CENPU: variants seen among roughly 807,000 people sequenced by gnomAD.
CENPU encodes centromere protein U, also known as KSHV latent nuclear antigen interacting protein 1.
CENPU carries 46 observed loss-of-function variants against 56.7 expected under a neutral mutation model. The observed-to-expected ratio is 0.81, with a 90% confidence interval of 0.64 to 1.04. The LOEUF (loss-of-function observed/expected upper bound fraction) is 1.04, where lower values mean the gene tolerates loss of function less well. Ranked by LOEUF, CENPU falls within the 50% of genes least tolerant of loss-of-function variation. The pLI, the probability that CENPU is intolerant of heterozygous loss-of-function variation, is 0.00. For synonymous variants in CENPU, 166 were observed against 163.0 expected, an observed-to-expected ratio of 1.02 and a Z score of -0.14; for missense variants, 510 against 490.1, an observed-to-expected ratio of 1.04 and a Z score of -0.38.
chr4:184,709,751 C>A (rs1760858882), intron 8 of CENPU, among the ~76,000 whole-genome samples: 1 of 150,466 alleles, frequency 6.6e-6, no homozygotes. Context: ...ATTAGAAATT[C>A]CACACAGATC....
intron 12 of CENPU, among the ~76,000 whole-genome samples, chr4:184,697,015 G>C (rs1057186716): frequency 8.6e-5 from 13 of 151,514 alleles, no homozygotes; most frequent in African/African-American, 3.2e-4. Flanking sequence ...TGAGTAGCTG[G>C]GACTACAGGC....
chr4:184,715,592 C>T (rs1345967526), intron 6 of CENPU, among the ~76,000 whole-genome samples: 2 of 152,184 alleles, frequency 1.3e-5, no homozygotes, highest in Non-Finnish European at 2.9e-5. Flanking sequence ...GGATTACAGG[C>T]ATGAGCCACC....
chr4:184,731,881 C>CTGTGTGTGTGTGTGTGTGTG (rs1491100516), intron 1 of CENPU, among the ~76,000 whole-genome samples: 68 of 25,602 alleles, frequency 2.7e-3, no homozygotes, highest in South Asian at 0.011. Flanking sequence ...TACTCATGTG[C>CTGTGTGTGTGTGTGTGTGTG]TCTGTGTGTG....
intron 7 of CENPU, among the ~76,000 whole-genome samples, chr4:184,710,806 T>C (rs562871996): frequency 2.4e-4 from 36 of 152,312 alleles, no homozygotes; most frequent in Non-Finnish European, 4.7e-4. Context: ...TAAATTACTA[T>C]ACATCTGTAA....
chr4:184,697,100 T>G (rs555897370), intron 12 of CENPU, among the ~76,000 whole-genome samples: 3 of 152,222 alleles, frequency 2.0e-5, no homozygotes, highest in Admixed American at 2.0e-4. Flanking sequence ...AAGGCTGGTC[T>G]TGAACTCCTG....
chr4:184,719,169 G>C (rs1000831759), intron 4 of CENPU, among the ~76,000 whole-genome samples: 2 of 152,164 alleles, frequency 1.3e-5, no homozygotes, highest in South Asian at 4.1e-4. Flanking sequence ...TCTACACAAA[G>C]GGAACACCTT....
intron 12 of CENPU, 117 bp from the exon 13 acceptor site, chr4:184,695,518 T>TC: frequency 1.6e-6 from 1 of 631,184 alleles, no homozygotes; most frequent in Non-Finnish European, 2.8e-6. Context: ...CTACTCCTCC[T>TC]CTCATTTTTA....
intron 8 of CENPU, among the ~76,000 whole-genome samples, chr4:184,706,397 G>A (rs1364572846): frequency 6.6e-6 from 1 of 152,158 alleles, no homozygotes; most frequent in African/African-American, 2.4e-5. Context: ...CTCTGCATAT[G>A]GCTTGTAATG....
chr4:184,724,830 G>A, intron 4 of CENPU, 127 bp downstream of exon 4: 1 of 594,176 alleles, frequency 1.7e-6, no homozygotes, highest in South Asian at 2.5e-5. Context: ...CAGTTCTCTT[G>A]AGAAAAAGCA....
At position 184,706,878 on chromosome 4, in the gene CENPU, C is replaced by G. The variant is rs78009508; in HGVS notation, c.797+3194G>C. Among the ~76,000 whole-genome samples, 1,282 of 148,308 alleles carry G rather than the reference C, an allele frequency of 8.6e-3. 39 individuals are homozygous for G. The highest frequency in any genetic ancestry group is 0.031 in the African/African-American group (1,176 of 37,856). ...GAACTTACTACCCACTGCAGCAACT[C>G]AGACCTCTGTCCCTGTGTCCTTACT... On this transcript the variant is annotated intron_variant, in intron 8 of 12. Transcript: ENST00000281453.
chr4:184,702,429 T>C lies in CENPU; in HGVS notation c.810A>G (p.Glu270=). The C allele has an allele frequency of 1.2e-6, 2 of 1,609,906 alleles. No individual in the cohort carries two copies. Among genetic ancestry groups the C allele is most frequent in the Non-Finnish European group, 1.7e-6 (2 of 1,178,594 alleles). The change falls in exon 9 of 13, where the codon GAA becomes GAG. Residue 270 remains glutamate (E), a synonymous_variant. Transcript: ENST00000281453. The part of the protein sequence containing the change: ...KTHLEHQQRI[E]SKVCKAAIAT... ...CGATGGCTGCCTTACAAACTTTAGA[T>C]TCTATTCTTTGTCTGTAGAGGAATT...
chr4:184,732,368 G>C (rs558365642), intron 1 of CENPU, among the ~76,000 whole-genome samples: 1 of 152,302 alleles, frequency 6.6e-6, no homozygotes, highest in African/African-American at 2.4e-5. Context: ...GTCTGATTCA[G>C]TCCCTCTGGG....
intron 8 of CENPU, among the ~76,000 whole-genome samples, chr4:184,706,022 C>A (rs1461035844): frequency 6.6e-6 from 1 of 152,170 alleles, no homozygotes; most frequent in Non-Finnish European, 1.5e-5. Flanking sequence ...TAAAGAAGTT[C>A]TGGAGACTGA....
intron 1 of CENPU, among the ~76,000 whole-genome samples, chr4:184,731,649 C>G (rs538721199): frequency 6.6e-6 from 1 of 152,306 alleles, no homozygotes; most frequent in African/African-American, 2.4e-5. Flanking sequence ...CTATCCTCCA[C>G]CAACCAGGCA....
intron 4 of CENPU, among the ~76,000 whole-genome samples, chr4:184,719,249 T>G (rs1453363333): frequency 1.3e-5 from 2 of 152,200 alleles, no homozygotes; most frequent in Non-Finnish European, 2.9e-5. Flanking sequence ...AAAGAGGCAC[T>G]GAAGAGGGTA....
chr4:184,697,753 T>C lies in CENPU; in HGVS notation c.1037A>G (p.Glu346Gly). 1.2e-6 allele frequency: 2 copies of C among 1,611,942 alleles called. No homozygotes were observed. Among genetic ancestry groups the C allele is most frequent in the Non-Finnish European group, 1.7e-6 (2 of 1,179,384 alleles). The change falls in exon 12 of 13, where the codon GAG becomes GGG. Residue 346 changes from glutamate to glycine, a missense_variant. Glu to Gly is a moderately conservative substitution (Grantham distance 98). Transcript: ENST00000281453. ...TGCATTCCTAAGGGAAGACTTTCTCTCTTTAAGTTCATCATATTTTGTTTG... is the reference window on the plus strand; with the variant it reads ...TGCATTCCTAAGGGAAGACTTTCTCCCTTTAAGTTCATCATATTTTGTTTG... ...QLQTKYDELK[E>G]RKSSLRNAAY...
In CENPU at chr4:184,717,250, T is replaced by C. The variant is rs951704490; in HGVS notation, c.321-54A>G. On this transcript the variant is annotated intron_variant, in intron 4 of 12. Coordinates refer to ENST00000281453, the MANE Select transcript of CENPU (RefSeq NM_024629.4). ...TGTACACATTCCATTTATATTCACATGTCTTCTCTAACTTGCTCATTCAAC... is the reference window on the plus strand; with the variant it reads ...TGTACACATTCCATTTATATTCACACGTCTTCTCTAACTTGCTCATTCAAC... The C allele has an allele frequency of 1.5e-5, 20 of 1,300,060 alleles. No individual in the cohort carries two copies. The African/African-American group carries it at 2.1e-4, about 14-fold the overall frequency. 80.5% of individuals were successfully genotyped at this position (1,300,060 alleles called of 1,614,324 possible). A position where few individuals can be genotyped will look rare whatever the true frequency, so the allele number is the denominator to read the frequency against.
intron 3 of CENPU, among the ~76,000 whole-genome samples, chr4:184,727,349 G>A (rs1156890528): frequency 6.6e-6 from 1 of 152,102 alleles, no homozygotes; most frequent in African/African-American, 2.4e-5. Flanking sequence ...TTCTGGAGAT[G>A]GATGGTGATG....
At chr4:184,702,045 G>A (rs751044185) in intron 10 of CENPU, 44 bp downstream of exon 10, 1 of 1,254,576 alleles carries the variant, frequency 8.0e-7, no homozygotes, top group Non-Finnish European at 1.2e-6. Flanking sequence ...CTCTACATTA[G>A]TATTGTGTTT....
Sources: allele counts gnomAD v4.1 joint callset (sites outside exome capture counted in the v4.1 genomes callset), GRCh38; gene constraint gnomAD v4.1.1; transcripts MANE v1.5; gene names NCBI Gene and HGNC (gene_info 2026-07-23, HGNC 2026-07-21).